INSL6: variants seen among roughly 807,000 people sequenced by gnomAD.
INSL6 encodes insulin like 6.
A neutral mutation model predicts 9.4 loss-of-function variants in INSL6; 16 were observed. That is an observed-to-expected ratio of 1.70 (90% CI 1.15 to 2.59). The LOEUF (loss-of-function observed/expected upper bound fraction) is 2.59, where lower values mean the gene tolerates loss of function less well. INSL6 is among the 30% of genes most tolerant of loss of function. The probability of loss-of-function intolerance (pLI) is 0.00; values close to 1 mark genes in which losing one functional copy is unlikely to be tolerated. For missense variants in INSL6, 391 were observed against 257.3 expected (o/e 1.52, Z -3.56); for synonymous variants, 154 against 96.9 (o/e 1.59, Z -3.46).
At chr9:5,069,587 A>G in the INSL6 span, among the ~76,000 whole-genome samples, 28 of 152,300 alleles carry the variant, frequency 1.8e-4, no homozygotes, top group South Asian at 5.4e-3. Context: ...TGAAATAATG[A>G]GCCTTACTAT....
the INSL6 span, among the ~76,000 whole-genome samples, chr9:5,022,463 T>A: frequency 6.6e-6 from 1 of 152,184 alleles, no homozygotes; most frequent in Admixed American, 6.5e-5. Flanking sequence ...TAATTACATA[T>A]AAGGTGGTTA....
chr9:5,126,441 G>A, intron 3 of INSL6: 2 of 1,596,156 alleles, frequency 1.3e-6, no homozygotes, highest in Non-Finnish European at 1.7e-6. Context: ...TGGATGCCCA[G>A]ATGAGGTAAC....
At chr9:5,035,861 G>A in the INSL6 span, among the ~76,000 whole-genome samples, 3 of 152,190 alleles carry the variant, frequency 2.0e-5, no homozygotes, top group Non-Finnish European at 4.4e-5. Flanking sequence ...ATTCAACATA[G>A]TGTTGGAAGT....
At chr9:5,181,088 A>G (rs1258371393) in intron 1 of INSL6, among the ~76,000 whole-genome samples, 1 of 152,202 alleles carries the variant, frequency 6.6e-6, no homozygotes, top group Non-Finnish European at 1.5e-5. Flanking sequence ...GGAAAATAGA[A>G]CCTACATTGA....
the INSL6 span, chr9:5,114,181 A>C: frequency 6.8e-6 from 3 of 441,588 alleles, no homozygotes; most frequent in Non-Finnish European, 1.3e-5. Flanking sequence ...TCTAACCCGC[A>C]AGGGGTGAGC....
At chr9:5,093,064 C>A in the INSL6 span, among the ~76,000 whole-genome samples, 1 of 152,090 alleles carries the variant, frequency 6.6e-6, no homozygotes, top group African/African-American at 2.4e-5. Context: ...CTGGTCTAAT[C>A]TATTATTTAA....
chr9:5,111,240 T>A, the INSL6 span: 1 of 554,466 alleles, frequency 1.8e-6, no homozygotes, highest in Non-Finnish European at 3.4e-6. Flanking sequence ...CTATTCCTCC[T>A]TTGGTAGAGA....
At chr9:5,163,525 G>C (rs890910384), downstream of INSL6, among the ~76,000 whole-genome samples, 2 of 152,180 alleles carry the variant, frequency 1.3e-5, no homozygotes, top group African/African-American at 2.4e-5. Flanking sequence ...GGACAGATGG[G>C]TCGACATCTT....
chr9:5,001,771 T>G, the INSL6 span, among the ~76,000 whole-genome samples: 1 of 152,230 alleles, frequency 6.6e-6, no homozygotes, highest in East Asian at 1.9e-4. Flanking sequence ...CTTAAATAGT[T>G]GACAGACTTT....
chr9:5,160,679 C>T (rs1182600930), downstream of INSL6, among the ~76,000 whole-genome samples: 2 of 152,080 alleles, frequency 1.3e-5, no homozygotes, highest in South Asian at 2.1e-4. Flanking sequence ...TCAAACAAAA[C>T]TGACAAAATG....
Position 5,133,067 on chromosome 9 carries a change from T to C in INSL6, c.*10+358A>G, listed in dbSNP as rs755396472. 2.0e-5 allele frequency among the ~76,000 whole-genome samples: 3 copies of C among 152,298 alleles called. No individual in the cohort carries two copies. In the East Asian group the frequency reaches 5.8e-4, roughly 29 times the overall value. On this transcript the variant is annotated intron_variant, in intron 3 of 3. Coordinates refer to the INSL6 transcript ENST00000649639. ...GGGCATGATTTTTTCAGCAGAGGTG[T>C]TATGCCTCCAAGAGTGTGAAAACTG...
chr9:5,185,580 G>T lies in INSL6; in HGVS notation c.23C>A (p.Ser8Tyr), dbSNP rs576555591. The T allele has an allele frequency of 6.2e-7, 1 of 1,613,612 alleles. No individual in the cohort carries two copies. Among genetic ancestry groups the T allele is most frequent in the South Asian group, 1.1e-5 (1 of 91,002 alleles). Residue 8 changes from serine (S) to tyrosine (Y), a missense_variant, in exon 1 of 2, where the codon TCC becomes TAC. Ser to Tyr is a moderately radical substitution (Grantham distance 144, BLOSUM62 -2). Coordinates refer to ENST00000381641, the MANE Select transcript of INSL6 (RefSeq NM_007179.3). MPRLLRL[S>Y]LLWLGLLLVR... ...CAGCAGGAGTCCAAGCCACAGCAGGGACAAGCGGAGGAGCCGCGGCATCCC... is the reference window on the plus strand; with the variant it reads ...CAGCAGGAGTCCAAGCCACAGCAGGTACAAGCGGAGGAGCCGCGGCATCCC...
chr9:5,028,500 A>G, the INSL6 span, among the ~76,000 whole-genome samples: 1 of 152,228 alleles, frequency 6.6e-6, no homozygotes. Context: ...TTGTTGCATT[A>G]GCTCCTCAGA....
chr9:5,109,469 T>C, the INSL6 span: 1 of 152,152 alleles, frequency 6.6e-6, no homozygotes, highest in Non-Finnish European at 1.5e-5. Context: ...ACCAAAAACA[T>C]TGGTGCAACT....
the INSL6 span, among the ~76,000 whole-genome samples, chr9:5,038,870 G>T: frequency 6.6e-6 from 1 of 152,088 alleles, no homozygotes; most frequent in Admixed American, 6.5e-5. Flanking sequence ...ATCAATCAAT[G>T]TAATACACCA....
At chr9:5,176,977 G>C (rs1166648319) in intron 1 of INSL6, among the ~76,000 whole-genome samples, 1 of 152,062 alleles carries the variant, frequency 6.6e-6, no homozygotes, top group Non-Finnish European at 1.5e-5. Flanking sequence ...TACTGTAAAA[G>C]TTTCCATAAA....
At chr9:5,184,304 T>A (rs1362087025) in intron 1 of INSL6, among the ~76,000 whole-genome samples, 1 of 152,214 alleles carries the variant, frequency 6.6e-6, no homozygotes, top group Non-Finnish European at 1.5e-5. Flanking sequence ...TCAAATCAAC[T>A]GAATTACTGT....
At chr9:5,098,112 T>G in the INSL6 span, 1 of 152,176 alleles carries the variant, frequency 6.6e-6, no homozygotes, top group Non-Finnish European at 1.5e-5. Context: ...ACTATAACAA[T>G]TGAACAACCA....
intron 2 of INSL6, among the ~76,000 whole-genome samples, chr9:5,134,038 C>T (rs370677620): frequency 6.6e-6 from 1 of 152,132 alleles, no homozygotes; most frequent in African/African-American, 2.4e-5. Context: ...ACGAGAACTT[C>T]ATGAAGCATA....
Sources: gnomAD v4.1 joint callset for allele counts (sites outside exome capture counted in the v4.1 genomes callset) on GRCh38, gnomAD v4.1.1 for gene constraint, MANE v1.5 for transcripts, NCBI Gene and HGNC (gene_info 2026-07-23, HGNC 2026-07-21) for gene names.